IFI16: variants seen among roughly 807,000 people sequenced by gnomAD.
The protein encoded by IFI16 is interferon gamma inducible protein 16, also known as gamma-interferon-inducible protein 16.
Under a neutral mutation model 68.4 loss-of-function variants are expected in IFI16, and 49 were observed. That is an observed-to-expected ratio of 0.72 (90% confidence interval 0.57 to 0.91). The LOEUF (loss-of-function observed/expected upper bound fraction) is 0.91, where lower values mean the gene tolerates loss of function less well. Ranked by LOEUF, IFI16 falls within the 40% of genes least tolerant of loss-of-function variation. The pLI, the probability that IFI16 is intolerant of heterozygous loss-of-function variation, is 0.00. For missense variants in IFI16, 878 were observed against 942.9 expected (o/e 0.93, Z 0.90); for synonymous variants, 307 against 315.0 (o/e 0.97, Z 0.27).
At chr1:159,034,089 T>C (rs2101878148) in intron 7 of IFI16, among the ~76,000 whole-genome samples, 1 of 152,330 alleles carries the variant, frequency 6.6e-6, no homozygotes, top group Middle Eastern at 3.4e-3. Context: ...TTTGAGAACC[T>C]TGAAGGATTC....
Position 159,048,188 on chromosome 1 carries a change from C to T in IFI16, c.1498-1244C>T, listed in dbSNP as rs187017766. 5.3e-4 allele frequency among the ~76,000 whole-genome samples: 80 copies of T among 151,346 alleles called. 1 individual carries two copies. Among genetic ancestry groups the T allele is most frequent in the East Asian group, 4.6e-3 (24 of 5,188 alleles). On this transcript the variant is annotated intron_variant, in intron 8 of 11. Coordinates refer to ENST00000295809, the MANE Select transcript of IFI16 (RefSeq NM_001376587.1). ...AAATAGCTGTTCATCAGAGCAGACA[C>T]GCAAACCCCTAATAGATCGTGGAAA...
intron 6 of IFI16, among the ~76,000 whole-genome samples, chr1:159,021,331 T>G (rs186066808): frequency 6.6e-6 from 1 of 152,314 alleles, no homozygotes; most frequent in African/African-American, 2.4e-5. Flanking sequence ...CTCCCACTTA[T>G]GAGTGAGAAC....
rs116270651 is a variant in IFI16 at position 159,015,883 on chromosome 1, G to T, written c.277G>T (p.Ala93Ser). The T allele has an allele frequency of 6.2e-7, 1 of 1,612,010 alleles. No individual in the cohort carries two copies. The highest frequency in any genetic ancestry group is 1.3e-5 in the African/African-American group (1 of 74,912). The change falls in exon 3 of 12, where the codon GCC becomes TCC. Residue 93 changes from alanine to serine, a missense_variant. Ala to Ser is a moderately conservative substitution (Grantham distance 99). Around this residue, in one of 4 missense-constraint regions of IFI16, gnomAD observed 443 missense variants for 421.8 expected, o/e 1.05. Transcript: ENST00000295809. Reference protein sequence around the residue: ...KKEKLKVKGPALSRKRKKEVD... With the variant: ...KKEKLKVKGPSLSRKRKKEVD... ...TGAATCTATTCCAGTAAAAGGACCA[G>T]CCCTATCAAGAAAGAGGAAGAAGGA...
At chr1:159,019,597 T>A (rs1310567824) in intron 5 of IFI16, among the ~76,000 whole-genome samples, 2 of 152,148 alleles carry the variant, frequency 1.3e-5, no homozygotes, top group African/African-American at 4.8e-5. Flanking sequence ...TAGCTGGGAC[T>A]ACAGGCGTGT....
At chr1:159,005,283 G>A (rs1652211906), upstream of IFI16, among the ~76,000 whole-genome samples, 1 of 152,208 alleles carries the variant, frequency 6.6e-6, no homozygotes, top group South Asian at 2.1e-4. Flanking sequence ...CAGTGGGAAA[G>A]TATGCATGTC....
intron 6 of IFI16, among the ~76,000 whole-genome samples, chr1:159,021,153 A>G (rs1351417108): frequency 6.6e-6 from 1 of 152,126 alleles, no homozygotes; most frequent in Non-Finnish European, 1.5e-5. Flanking sequence ...TATAGGAATA[A>G]GTTCTTTAGT....
chr1:159,050,228 AATTGCACAGTT>A (rs1435226902), intron 9 of IFI16, among the ~76,000 whole-genome samples: 2 of 152,190 alleles, frequency 1.3e-5, no homozygotes, highest in Non-Finnish European at 2.9e-5. Flanking sequence ...GTACTAGAAA[AATTGCACAGTT>A]ATTCCATACA....
intron 6 of IFI16, among the ~76,000 whole-genome samples, chr1:159,028,348 A>G (rs577877383): frequency 7.1e-4 from 108 of 152,130 alleles, no homozygotes; most frequent in African/African-American, 2.5e-3. Flanking sequence ...TTGAGTTCCA[A>G]TTTTATTCCA....
chr1:159,033,480 T>G (rs1654130957), intron 7 of IFI16, among the ~76,000 whole-genome samples: 1 of 152,238 alleles, frequency 6.6e-6, no homozygotes, highest in African/African-American at 2.4e-5. Context: ...TTTGAGCACT[T>G]AACTAGACGT....
intron 7 of IFI16, among the ~76,000 whole-genome samples, chr1:159,044,973 A>T: frequency 6.6e-6 from 1 of 151,976 alleles, no homozygotes; most frequent in East Asian, 1.9e-4. Flanking sequence ...CTTTATTGCA[A>T]GCCATGCTGC....
At chr1:159,000,511 G>A (rs1465145454) in intron 1 of IFI16, 1 of 152,450 alleles carries the variant, frequency 6.6e-6, no homozygotes, top group Non-Finnish European at 1.5e-5. Context: ...TCCTGGGAAA[G>A]ACATCTTCAG....
upstream of IFI16, among the ~76,000 whole-genome samples, chr1:159,002,897 A>G (rs997886985): frequency 6.6e-6 from 1 of 152,236 alleles, no homozygotes; most frequent in Admixed American, 6.5e-5. Flanking sequence ...TTACCTGAGA[A>G]TGCACAGAGC....
At chr1:159,022,115 C>CG (rs1261057497) in intron 6 of IFI16, among the ~76,000 whole-genome samples, 2 of 152,004 alleles carry the variant, frequency 1.3e-5, no homozygotes, top group African/African-American at 4.8e-5. Context: ...AGGCGCCCGC[C>CG]ACCGCCCCCG....
At chr1:159,050,931 A>G (rs1452589318) in intron 9 of IFI16, among the ~76,000 whole-genome samples, 12 of 152,304 alleles carry the variant, frequency 7.9e-5, no homozygotes, top group Admixed American at 2.6e-4. Flanking sequence ...GGGCTTTGCA[A>G]TTTGGTTCTT....
At chr1:159,049,631 T>A in intron 9 of IFI16, 32 bp downstream of exon 9, 1 of 1,612,998 alleles carries the variant, frequency 6.2e-7, no homozygotes, top group Non-Finnish European at 8.5e-7. Flanking sequence ...TACATTCCCC[T>A]CGCTACTATA....
At chr1:159,004,580 G>A (rs1176491840), upstream of IFI16, among the ~76,000 whole-genome samples, 3 of 152,014 alleles carry the variant, frequency 2.0e-5, no homozygotes, top group Admixed American at 6.6e-5. Context: ...TGGTGCATGC[G>A]TGTAATTCTG....
chr1:159,040,029 T>G (rs753647698), intron 7 of IFI16, among the ~76,000 whole-genome samples: 1 of 152,190 alleles, frequency 6.6e-6, no homozygotes, highest in Non-Finnish European at 1.5e-5. Flanking sequence ...TTACCAATGC[T>G]GCAAATCCAA....
Position 159,049,637 on chromosome 1 carries a change from C to CTA in IFI16, c.1665+43_1665+44dup, listed in dbSNP as rs1655218927. 3 of 1,612,106 alleles carry CTA rather than the reference C, an allele frequency of 1.9e-6. No individual in the cohort carries two copies. In the East Asian group the frequency reaches 6.7e-5, roughly 36 times the overall value. On this transcript the variant is annotated intron_variant, in intron 9 of 11. Coordinates refer to ENST00000295809, the MANE Select transcript of IFI16 (RefSeq NM_001376587.1). ...TCTTCCCAATACATTCCCCTCGCTA[C>CTA]TATATAATGACAAGGATTAACACAA...
At chr1:159,017,315 A>G (rs1022050134) in intron 4 of IFI16, among the ~76,000 whole-genome samples, 1 of 152,190 alleles carries the variant, frequency 6.6e-6, no homozygotes, top group African/African-American at 2.4e-5. Flanking sequence ...TGAGGGGTTT[A>G]TCCTACTTGT....
Sources: allele counts gnomAD v4.1 joint callset (sites outside exome capture counted in the v4.1 genomes callset), GRCh38; gene constraint gnomAD v4.1.1; regional missense constraint gnomAD v4.1.1; transcripts MANE v1.5; gene names NCBI Gene and HGNC (gene_info 2026-07-23, HGNC 2026-07-21).